Variants in VAPA observed in about 807,000 individuals in gnomAD.
VAPA encodes VAMP associated protein A.
In VAPA, 6 loss-of-function variants were observed where a neutral mutation model predicts 25.6. The observed-to-expected ratio is 0.23, with a 90% CI of 0.13 to 0.46. The LOEUF is 0.46. VAPA is among the 20% of genes least tolerant of loss of function. VAPA has a pLI of 0.99. For synonymous variants in VAPA, 112 were observed against 106.2 expected (o/e 1.05, Z -0.34); for missense variants, 244 against 302.1 (o/e 0.81, Z 1.43).
intron 1 of VAPA, among the ~76,000 whole-genome samples, chr18:9,930,326 A>G (rs935307561): frequency 1.3e-5 from 2 of 152,168 alleles, no homozygotes; most frequent in African/African-American, 4.8e-5. Flanking sequence ...GATTGCTACT[A>G]ATGTTAAAGT....
intron 4 of VAPA, among the ~76,000 whole-genome samples, chr18:9,939,567 G>C (rs2069346507): frequency 6.8e-6 from 1 of 146,462 alleles, no homozygotes; most frequent in Non-Finnish European, 1.5e-5. Context: ...TATTAAACTA[G>C]GTTTGCCTAT....
At chr18:9,929,638 C>G (rs1395435089) in intron 1 of VAPA, among the ~76,000 whole-genome samples, 1 of 152,082 alleles carries the variant, frequency 6.6e-6, no homozygotes, top group African/African-American at 2.4e-5. Flanking sequence ...CTTTCCGTGA[C>G]TTTTTTAAGC....
chr18:9,944,963 A>G lies in VAPA; in HGVS notation c.418-5432A>G, dbSNP rs29132. On this transcript the variant is annotated intron_variant, in intron 4 of 5. Coordinates refer to ENST00000400000, the MANE Select transcript of VAPA (RefSeq NM_194434.3). ...AGGGAATGCTCCGACTGTCACTTCA[A>G]TGAGCAGCATCAACAACACAGTTGC... 96,533 of 1,613,924 alleles carry G rather than the reference A, an allele frequency of 0.06. 3,581 individuals are homozygous for G. Among genetic ancestry groups the G allele is most frequent in the African/African-American group, 0.13 (9,788 of 74,984 alleles).
At position 9,954,874 on chromosome 18, in the gene VAPA, G is replaced by A. The variant is rs1342029224; in HGVS notation, c.*663G>A. ...ATTAGAGGGAACTCCACTATATATG[G>A]TCACTTGAAATTATGATGCAAAGGT... On this transcript the variant is annotated 3_prime_UTR_variant, in exon 6 of 6. Coordinates refer to ENST00000400000, the MANE Select transcript of VAPA (RefSeq NM_194434.3). The A allele has an allele frequency of 6.6e-6, 1 of 152,600 alleles. No individual in the cohort carries two copies. Among genetic ancestry groups the A allele is most frequent in the East Asian group, 1.9e-4 (1 of 5,196 alleles). The allele number at this position is 152,600 out of a possible 1,614,324, so 9.5% of individuals were successfully genotyped here. A position where few individuals can be genotyped will look rare whatever the true frequency, so the allele number is the denominator to read the frequency against.
chr18:9,917,798 A>C (rs964395509), intron 1 of VAPA, among the ~76,000 whole-genome samples: 2 of 150,830 alleles, frequency 1.3e-5, no homozygotes, highest in African/African-American at 2.5e-5. Context: ...GCATAGAAGC[A>C]GCACGGGGCG....
chr18:9,914,367 T>TGGGGC (rs750239493), intron 1 of VAPA, 32 bp downstream of exon 1: 36 of 1,544,818 alleles, frequency 2.3e-5, no homozygotes, highest in Middle Eastern at 1.8e-4. Context: ...CCGGGTGGGG[T>TGGGGC]GGGGCGCGCG....
chr18:9,942,948 A>G (rs2069381453), intron 4 of VAPA, among the ~76,000 whole-genome samples: 1 of 152,196 alleles, frequency 6.6e-6, no homozygotes, highest in Non-Finnish European at 1.5e-5. Flanking sequence ...AGTATGTTGT[A>G]TGCGTATACC....
chr18:9,921,926 A>G (rs2069160006), intron 1 of VAPA, among the ~76,000 whole-genome samples: 1 of 152,188 alleles, frequency 6.6e-6, no homozygotes, highest in African/African-American at 2.4e-5. Context: ...TATAAATTTA[A>G]TAATTGACAT....
intron 4 of VAPA, among the ~76,000 whole-genome samples, chr18:9,939,837 C>T (rs2069349203): frequency 6.6e-6 from 1 of 152,178 alleles, no homozygotes; most frequent in South Asian, 2.1e-4. Context: ...ATGCACAAAA[C>T]AGCCTCCACA....
chr18:9,947,857 C>G (rs745392776), intron 4 of VAPA: 1 of 152,134 alleles, frequency 6.6e-6, no homozygotes, highest in Non-Finnish European at 1.5e-5. Context: ...ATGCATGACT[C>G]AAAGCCCACC....
intron 4 of VAPA, among the ~76,000 whole-genome samples, chr18:9,937,846 C>G (rs1294277269): frequency 6.6e-6 from 1 of 151,900 alleles, no homozygotes; most frequent in Non-Finnish European, 1.5e-5. Flanking sequence ...AATCTAGTGG[C>G]CATTTGCTCT....
chr18:9,919,999 A>G (rs1051005477), intron 1 of VAPA, among the ~76,000 whole-genome samples: 1 of 152,144 alleles, frequency 6.6e-6, no homozygotes, highest in African/African-American at 2.4e-5. Flanking sequence ...CTCTATGTGC[A>G]CTGAGAGAAA....
At chr18:9,917,807 C>CGG (rs141928124) in intron 1 of VAPA, among the ~76,000 whole-genome samples, 12 of 145,258 alleles carry the variant, frequency 8.3e-5, no homozygotes, top group South Asian at 6.3e-4. Context: ...CAGCACGGGG[C>CGG]GGGGGGGAAA....
intron 1 of VAPA, among the ~76,000 whole-genome samples, chr18:9,920,256 C>A (rs1179547164): frequency 1.3e-5 from 2 of 152,082 alleles, no homozygotes; most frequent in African/African-American, 4.8e-5. Flanking sequence ...TACTTCAGGT[C>A]CTTTTATATT....
At position 9,954,235 on chromosome 18, in the gene VAPA, T is replaced by C. The variant is rs1567904434; in HGVS notation, c.*24T>C. ...AGAGTGAAGCATGCAGAGTGCTGTT[T>C]CTTTTTTTTTTTTTCTCTTGACCAG... On this transcript the variant is annotated 3_prime_UTR_variant, in exon 6 of 6. Coordinates refer to ENST00000400000, the MANE Select transcript of VAPA (RefSeq NM_194434.3). 20 of 1,546,766 alleles carry C rather than the reference T, an allele frequency of 1.3e-5. No individual in the cohort carries two copies. The Admixed American group carries it at 4.2e-4, about 33-fold the overall frequency.
chr18:9,920,501 C>T (rs1372286563), intron 1 of VAPA, among the ~76,000 whole-genome samples: 1 of 152,160 alleles, frequency 6.6e-6, no homozygotes, highest in Non-Finnish European at 1.5e-5. Flanking sequence ...CGGGGTTTTG[C>T]CCTGTGGGCC....
At chr18:9,920,168 C>G (rs780629321) in intron 1 of VAPA, among the ~76,000 whole-genome samples, 1 of 152,100 alleles carries the variant, frequency 6.6e-6, no homozygotes, top group Non-Finnish European at 1.5e-5. Context: ...TTAGGTCTTT[C>G]AGGATATTAA....
chr18:9,945,350 C>CTTTTTTTTTTTT (rs869048248), intron 4 of VAPA, among the ~76,000 whole-genome samples: 1 of 57,306 alleles, frequency 1.7e-5, no homozygotes, highest in Non-Finnish European at 2.9e-5. Context: ...GGAATATACT[C>CTTTTTTTTTTTT]TTTTTTTTTT....
At chr18:9,928,329 A>G (rs2069220128) in intron 1 of VAPA, among the ~76,000 whole-genome samples, 1 of 152,174 alleles carries the variant, frequency 6.6e-6, no homozygotes, top group African/African-American at 2.4e-5. Flanking sequence ...AATAAAAGAT[A>G]TATACAGTTC....
Sources: allele counts gnomAD v4.1 joint callset (sites outside exome capture counted in the v4.1 genomes callset), GRCh38; gene constraint gnomAD v4.1.1; transcripts MANE v1.5; gene names NCBI Gene and HGNC (gene_info 2026-07-23, HGNC 2026-07-21).